Variants in GULP1 observed in about 807,000 individuals in gnomAD.
GULP1 encodes the protein PTB domain-containing engulfment adapter protein 1.
Under a neutral mutation model 40.9 loss-of-function variants are expected in GULP1, and 19 were observed. The ratio of observed to expected loss-of-function variants is 0.46; its 90% CI spans 0.32 to 0.68. The LOEUF is 0.68. Ranked by LOEUF, GULP1 falls within the 30% of genes least tolerant of loss-of-function variation. The probability of loss-of-function intolerance (pLI) is 0.03; values close to 1 mark genes in which losing one functional copy is unlikely to be tolerated. For synonymous variants in GULP1, 119 were observed against 117.6 expected, an observed-to-expected ratio of 1.01 and a Z score of -0.08; for missense variants, 312 against 362.2, an observed-to-expected ratio of 0.86 and a Z score of 1.12.
intron 4 of GULP1, among the ~76,000 whole-genome samples, chr2:188,521,723 G>T (rs2065797917): frequency 6.6e-6 from 1 of 152,120 alleles, no homozygotes; most frequent in South Asian, 2.1e-4. Flanking sequence ...TTCAAGATGA[G>T]ATTTGGGTGA....
At chr2:188,364,889 C>T (rs114953847) in intron 1 of GULP1, among the ~76,000 whole-genome samples, 1,730 of 146,868 alleles carry the variant, frequency 0.012, 15 homozygotes, top group Non-Finnish European at 0.02. Context: ...CACACACACA[C>T]GTATATACAC....
intron 2 of GULP1, among the ~76,000 whole-genome samples, chr2:188,408,805 G>A (rs2053482340): frequency 6.6e-6 from 1 of 152,180 alleles, no homozygotes; most frequent in Admixed American, 6.5e-5. Context: ...GAAGAATGAA[G>A]TCATTTCAAG....
At chr2:188,414,598 C>T (rs1043638285) in intron 2 of GULP1, among the ~76,000 whole-genome samples, 4 of 152,188 alleles carry the variant, frequency 2.6e-5, no homozygotes, top group South Asian at 2.1e-4. Flanking sequence ...AAAAGAATGC[C>T]GAAGCTGGAA....
In GULP1 at chr2:188,292,208, G is replaced by C. The variant is rs1002599604; in HGVS notation, c.-172+42G>C. Reference sequence around the variant, plus strand: ...AGGCTCTTCCCTGGCTGCGAACCCAGGCTCCCTCCAGGTAGCGTGGAATCG... The same window carrying C: ...AGGCTCTTCCCTGGCTGCGAACCCACGCTCCCTCCAGGTAGCGTGGAATCG... On this transcript the variant is annotated intron_variant, in intron 1 of 11. Coordinates refer to ENST00000409830, the MANE Select transcript of GULP1 (RefSeq NM_016315.4). This position sits in a 1 kb window ranked among gnomAD's most constrained non-coding sequence, Gnocchi z 4.0. The C allele has an allele frequency of 6.6e-6, 1 of 152,506 alleles. No individual in the cohort carries two copies. Among genetic ancestry groups the C allele is most frequent in the African/African-American group, 2.4e-5 (1 of 41,460 alleles). The allele number at this position is 152,506 out of a possible 1,614,324, so 9.4% of individuals were successfully genotyped here. A position where few individuals can be genotyped will look rare whatever the true frequency, so the allele number is the denominator to read the frequency against.
At chr2:188,398,814 A>G (rs1018437857) in intron 2 of GULP1, among the ~76,000 whole-genome samples, 4 of 152,224 alleles carry the variant, frequency 2.6e-5, no homozygotes, top group Admixed American at 2.6e-4. Context: ...AGTTTGGTGA[A>G]AAATAAAAAA....
chr2:188,388,733 G>T (rs1236125696), intron 2 of GULP1, among the ~76,000 whole-genome samples: 2 of 152,120 alleles, frequency 1.3e-5, no homozygotes, highest in Non-Finnish European at 2.9e-5. Context: ...AAAATAAAAC[G>T]ATGAAGACAT....
At chr2:188,566,484 T>C (rs1046088805) in intron 7 of GULP1, among the ~76,000 whole-genome samples, 1 of 152,106 alleles carries the variant, frequency 6.6e-6, no homozygotes, top group Non-Finnish European at 1.5e-5. Context: ...TTTAAATGAT[T>C]CTTTATAATG....
chr2:188,515,419 C>G (rs2065069348), intron 4 of GULP1, among the ~76,000 whole-genome samples: 1 of 152,146 alleles, frequency 6.6e-6, no homozygotes, highest in African/African-American at 2.4e-5. Context: ...TCCACATGTT[C>G]TCTTCAGAAT....
intron 1 of GULP1, among the ~76,000 whole-genome samples, chr2:188,345,082 C>A (rs552684824): frequency 2.6e-5 from 4 of 152,018 alleles, no homozygotes. Flanking sequence ...ACTTCAGGCT[C>A]TGACAAAGGT....
intron 1 of GULP1, among the ~76,000 whole-genome samples, chr2:188,339,265 A>G (rs2042668881): frequency 6.6e-6 from 1 of 152,236 alleles, no homozygotes; most frequent in South Asian, 2.1e-4. Flanking sequence ...TGTTATCATT[A>G]GACTTATGCA....
chr2:188,372,659 A>G (rs997656586), intron 1 of GULP1, among the ~76,000 whole-genome samples: 28 of 152,054 alleles, frequency 1.8e-4, no homozygotes, highest in African/African-American at 6.5e-4. Context: ...CCTAACATCC[A>G]TGTGACATAT....
Position 188,595,093 on chromosome 2 carries a change from TTA to T in GULP1, c.*1083_*1084del, listed in dbSNP as rs1704244370. 4 of 151,496 alleles carry T rather than the reference TTA, an allele frequency of 2.6e-5. No individual in the cohort carries two copies. In the South Asian group the frequency reaches 8.3e-4, roughly 31 times the overall value. 9.4% of individuals were successfully genotyped at this position (151,496 alleles called of 1,614,324 possible). ...AAAAAAAACCCAGTTACTGCTCAGT[TTA>T]GTCTTGAACATGAGCAATAAAATTC... On this transcript the variant is annotated 3_prime_UTR_variant, in exon 12 of 12. Coordinates refer to ENST00000409830, the MANE Select transcript of GULP1 (RefSeq NM_016315.4).
rs898679340 is a variant in GULP1, at chr2:188,465,954, G to GGT, written c.-44-11692_-44-11691dup. Among the ~76,000 whole-genome samples the GGT allele has an allele frequency of 8.6e-5, 13 of 150,436 alleles. No individual in the cohort carries two copies. In the East Asian group the frequency reaches 9.8e-4, roughly 11 times the overall value. On this transcript the variant is annotated intron_variant, in intron 2 of 11. Coordinates refer to ENST00000409830, the MANE Select transcript of GULP1 (RefSeq NM_016315.4). ...TTACCTGATTTTTGGCTCTTATGAA[G>GGT]GTGTGTGTGTGTGTATATGTGTGTG...
At chr2:188,580,971 G>C (rs1023727867) in intron 9 of GULP1, among the ~76,000 whole-genome samples, 2 of 152,190 alleles carry the variant, frequency 1.3e-5, no homozygotes, top group African/African-American at 4.8e-5. Context: ...AGTTACAAAG[G>C]CTTTGCCTGG....
intron 7 of GULP1, among the ~76,000 whole-genome samples, chr2:188,549,540 G>A (rs1186879252): frequency 6.6e-6 from 1 of 151,832 alleles, no homozygotes; most frequent in African/African-American, 2.4e-5. Context: ...CATAGCTGAT[G>A]GAGATATAAA....
chr2:188,439,578 A>T (rs577923707), intron 2 of GULP1, among the ~76,000 whole-genome samples: 68 of 152,204 alleles, frequency 4.5e-4, no homozygotes, highest in African/African-American at 1.6e-3. Context: ...ATATACACAC[A>T]TGCTACTGGT....
intron 1 of GULP1, among the ~76,000 whole-genome samples, chr2:188,316,808 G>C (rs1397139221): frequency 6.6e-6 from 1 of 152,106 alleles, no homozygotes; most frequent in Non-Finnish European, 1.5e-5. Flanking sequence ...TAAAAGTAGA[G>C]ATTGCTGTGC....
intron 1 of GULP1, among the ~76,000 whole-genome samples, chr2:188,314,600 C>T (rs2038768678): frequency 1.3e-5 from 2 of 152,082 alleles, no homozygotes; most frequent in African/African-American, 4.8e-5. Context: ...TTTGTAAAAC[C>T]TCCTTTGGCT....
intron 2 of GULP1, among the ~76,000 whole-genome samples, chr2:188,428,723 T>C (rs968990600): frequency 5.9e-5 from 9 of 152,134 alleles, no homozygotes; most frequent in Non-Finnish European, 8.8e-5. Flanking sequence ...TGGGGAACCA[T>C]GAGCCAATTT....
Sources: gnomAD v4.1 joint callset for allele counts (sites outside exome capture counted in the v4.1 genomes callset) on GRCh38, gnomAD v4.1.1 for gene constraint, Gnocchi (gnomAD v3.1) non-coding constraint, MANE v1.5 for transcripts, NCBI Gene and HGNC (gene_info 2026-07-23, HGNC 2026-07-21) for gene names.